PDE4DIP: variants seen among roughly 807,000 people sequenced by gnomAD.
The protein encoded by PDE4DIP is myomegalin.
Under a neutral mutation model 221.4 loss-of-function variants are expected in PDE4DIP, and 59 were observed. The observed-to-expected ratio is 0.27, with a 90% CI of 0.22 to 0.33. The LOEUF is 0.33. Among genes scored for constraint, PDE4DIP ranks in the 10% least tolerant of loss-of-function variants. The pLI is 1.00. For missense variants in PDE4DIP, 1,036 were observed against 2,154.2 expected, an observed-to-expected ratio of 0.48 and a Z score of 10.28; for synonymous variants, 404 against 815.9, an observed-to-expected ratio of 0.50 and a Z score of 8.60.
At chr1:148,938,840 G>C (rs1297406385) in intron 5 of PDE4DIP, among the ~76,000 whole-genome samples, 1 of 150,920 alleles carries the variant, frequency 6.6e-6, no homozygotes, top group African/African-American at 2.4e-5. Flanking sequence ...CCAGGCTGAA[G>C]TGCAGTGGGA....
intron 13 of PDE4DIP, 149 bp from the exon 17 acceptor site, chr1:148,968,687 G>T: frequency 1.7e-6 from 1 of 602,640 alleles, no homozygotes; most frequent in Non-Finnish European, 2.9e-6. Flanking sequence ...GCCTGTGCTA[G>T]ATCTGGTAAA....
chr1:148,989,269 T>C (rs1295356396), intron 21 of PDE4DIP: 2 of 655,456 alleles, frequency 3.1e-6, no homozygotes, highest in Non-Finnish European at 4.2e-6. Flanking sequence ...GCTGCCATAA[T>C]GGAAGAAGAC....
intron 1 of PDE4DIP, among the ~76,000 whole-genome samples, chr1:148,861,682 C>T (rs1436677894): frequency 1.8e-5 from 2 of 109,552 alleles, no homozygotes; most frequent in South Asian, 3.0e-4. Context: ...TCCTCTACAT[C>T]TCTGTTTACA....
At chr1:148,947,779 TG>T (rs1553484780) in intron 5 of PDE4DIP, among the ~76,000 whole-genome samples, 1 of 146,710 alleles carries the variant, frequency 6.8e-6, no homozygotes, top group East Asian at 2.1e-4. Context: ...ACATAGATTT[TG>T]TAAGTAGTTC....
chr1:148,961,938 G>C, exon 7 of PDE4DIP: 1 of 1,493,990 alleles, frequency 6.7e-7, no homozygotes, highest in Non-Finnish European at 9.3e-7. Context: ...AGGAAACTCT[G>C]AAAAGCAGGG....
chr1:148,977,849 T>C, intron 17 of PDE4DIP, 88 bp from the exon 21 acceptor site: 3 of 1,554,096 alleles, frequency 1.9e-6, no homozygotes, highest in Non-Finnish European at 2.6e-6. Context: ...TTCTTTTCCA[T>C]TACTGGCTGA....
chr1:149,017,316 G>A (rs1325795063), intron 33 of PDE4DIP, among the ~76,000 whole-genome samples: 2 of 151,474 alleles, frequency 1.3e-5, no homozygotes, highest in Non-Finnish European at 3.0e-5. Context: ...TCTTTCTAAG[G>A]GTGGGAGGAA....
At position 148,821,078 on chromosome 1, in the gene PDE4DIP, C is replaced by A. The variant is rs112849685; in HGVS notation, c.233+12341C>A. 5.3e-5 allele frequency among the ~76,000 whole-genome samples: 8 copies of A among 149,902 alleles called. No homozygotes were observed. In the Middle Eastern group the frequency reaches 0.01, roughly 195 times the overall value. On this transcript the variant is annotated intron_variant, in intron 1 of 45. Coordinates refer to the PDE4DIP transcript ENST00000524974. ...GTGTTAGCCAGGATGGTCTCGATCTCCTGACCTCGTGATCCGCCCGCCTCG... is the reference window on the plus strand; with the variant it reads ...GTGTTAGCCAGGATGGTCTCGATCTACTGACCTCGTGATCCGCCCGCCTCG...
chr1:148,961,935 T>G (rs2057028806), exon 7 of PDE4DIP: 1 of 1,541,944 alleles, frequency 6.5e-7, no homozygotes, highest in African/African-American at 1.4e-5. Context: ...TCAAGGAAAC[T>G]CTGAAAAGCA....
At chr1:148,960,258 C>T (rs1375085705) in intron 5 of PDE4DIP, among the ~76,000 whole-genome samples, 3 of 151,642 alleles carry the variant, frequency 2.0e-5, no homozygotes, top group Non-Finnish European at 4.4e-5. Flanking sequence ...TGTAACTTCT[C>T]TCAGGAAGTG....
At position 148,919,551 on chromosome 1, in the gene PDE4DIP, C is replaced by T. The variant is rs587700529; in HGVS notation, c.142-9646C>T. Among the ~76,000 whole-genome samples the T allele has an allele frequency of 3.3e-5, 5 of 151,926 alleles. No individual in the cohort carries two copies. In the South Asian group the frequency reaches 1.0e-3, roughly 32 times the overall value. On this transcript the variant is annotated intron_variant, in intron 1 of 43. Transcript: ENST00000369354. The stretch of plus-strand genomic sequence containing the variant: ...GAGTCCTTTCTGAAAATGCTCAGTG[C>T]TTCTCCCTGTTTTATAGAGTTATGA...
In PDE4DIP at chr1:148,919,479, G is replaced by A. The variant is rs587731979; in HGVS notation, c.142-9718G>A. On this transcript the variant is annotated intron_variant, in intron 1 of 43. Coordinates refer to ENST00000369354, the Ensembl canonical transcript of PDE4DIP. ...TTGGAAACTACTAAAATGTATTTCTGGGGATCCTGCAATGACCAGTCCTTT... is the reference window on the plus strand; with the variant it reads ...TTGGAAACTACTAAAATGTATTTCTAGGGATCCTGCAATGACCAGTCCTTT... Among the ~76,000 whole-genome samples, 42 of 151,422 alleles carry A rather than the reference G, an allele frequency of 2.8e-4. 1 individual carries two copies. The highest frequency in any genetic ancestry group is 1.0e-3 in the African/African-American group (41 of 40,770).
At chr1:149,032,396 G>C (rs1405580917) in exon 44 of PDE4DIP, 1 of 471,804 alleles carries the variant, frequency 2.1e-6, no homozygotes, top group African/African-American at 1.9e-5. Flanking sequence ...AAAGGGGCAC[G>C]TGGTCCCAAT....
chr1:148,992,372 G>A (rs1363143717), intron 22 of PDE4DIP: 41 of 1,513,002 alleles, frequency 2.7e-5, no homozygotes, highest in Non-Finnish European at 3.4e-5. Flanking sequence ...CGGGGAGGTG[G>A]CAGGGCGGAG....
chr1:149,006,914 G>A (rs1392842336), intron 27 of PDE4DIP, among the ~76,000 whole-genome samples: 1 of 108,554 alleles, frequency 9.2e-6, no homozygotes, highest in Non-Finnish European at 1.8e-5. Context: ...ATATTGGCGA[G>A]GCTGGTCTCA....
exon 32 of PDE4DIP, chr1:149,012,707 G>C: frequency 4.3e-6 from 7 of 1,613,860 alleles, no homozygotes; most frequent in Non-Finnish European, 5.1e-6. Context: ...TGGCTGCTGT[G>C]AGACACCAGT....
chr1:149,015,876 G>C (rs1214329175), intron 32 of PDE4DIP, among the ~76,000 whole-genome samples: 5 of 151,984 alleles, frequency 3.3e-5, no homozygotes, highest in African/African-American at 1.2e-4. Context: ...TTCAGGGGAA[G>C]GCAAGTACAT....
chr1:148,846,434 A>G (rs1553382899), intron 1 of PDE4DIP, among the ~76,000 whole-genome samples: 4 of 40,264 alleles, frequency 9.9e-5, no homozygotes, highest in African/African-American at 1.1e-4. Context: ...ACAAAAGCGA[A>G]ACTCCGCCTC....
chr1:148,970,001 C>G (rs1553523895), intron 14 of PDE4DIP, among the ~76,000 whole-genome samples: 3 of 152,162 alleles, frequency 2.0e-5, no homozygotes, highest in Admixed American at 2.0e-4. Flanking sequence ...CCACCATGCC[C>G]TGCCCATAGT....
Sources: allele counts gnomAD v4.1 joint callset (sites outside exome capture counted in the v4.1 genomes callset), GRCh38; gene constraint gnomAD v4.1.1; transcripts MANE v1.5; gene names NCBI Gene and HGNC (gene_info 2026-07-23, HGNC 2026-07-21).